WDR70: variants seen among roughly 807,000 people sequenced by gnomAD.
The protein encoded by WDR70 is WD repeat-containing protein 70.
Under a neutral mutation model 88.6 loss-of-function variants are expected in WDR70, and 53 were observed. That is an observed-to-expected ratio of 0.60 (90% CI 0.48 to 0.75). WDR70 has a LOEUF of 0.75. Ranked by LOEUF, WDR70 falls within the 30% of genes least tolerant of loss-of-function variation. The pLI is 0.00. For synonymous variants in WDR70, 280 were observed against 270.0 expected, an observed-to-expected ratio of 1.04 and a Z score of -0.36; for missense variants, 610 against 823.2, an observed-to-expected ratio of 0.74 and a Z score of 3.17.
intron 10 of WDR70, among the ~76,000 whole-genome samples, chr5:37,622,899 A>G (rs1744554582): frequency 6.6e-6 from 1 of 152,194 alleles, no homozygotes; most frequent in Non-Finnish European, 1.5e-5. Context: ...AATAATAAAA[A>G]AAGAAACATT....
chr5:37,677,340 T>C (rs2112607618), intron 10 of WDR70, among the ~76,000 whole-genome samples: 1 of 152,324 alleles, frequency 6.6e-6, no homozygotes, highest in East Asian at 1.9e-4. Flanking sequence ...GTGTCAATTT[T>C]GGATCTTTCC....
intron 3 of WDR70, among the ~76,000 whole-genome samples, chr5:37,387,879 A>G (rs1289503380): frequency 6.6e-6 from 1 of 152,132 alleles, no homozygotes; most frequent in African/African-American, 2.4e-5. Context: ...GTCTTTCCCC[A>G]GGTATTGATA....
chr5:37,540,174 C>CTCGG (rs1741775382), intron 9 of WDR70, among the ~76,000 whole-genome samples: 1 of 152,094 alleles, frequency 6.6e-6, no homozygotes, highest in Non-Finnish European at 1.5e-5. Flanking sequence ...AATCTACAGC[C>CTCGG]TCGGGATAAA....
At chr5:37,483,031 C>T (rs544615907) in intron 8 of WDR70, among the ~76,000 whole-genome samples, 1 of 149,864 alleles carries the variant, frequency 6.7e-6, no homozygotes, top group East Asian at 2.0e-4. Flanking sequence ...CACTGAACTC[C>T]AGCTTGGGCA....
chr5:37,521,496 C>T (rs955591962), intron 9 of WDR70, among the ~76,000 whole-genome samples: 7 of 152,224 alleles, frequency 4.6e-5, no homozygotes, highest in South Asian at 4.1e-4. Flanking sequence ...CACTCGCCAC[C>T]GTTTCCCCCA....
chr5:37,464,096 C>A (rs1457045738), intron 7 of WDR70, among the ~76,000 whole-genome samples: 1 of 152,164 alleles, frequency 6.6e-6, no homozygotes, highest in Non-Finnish European at 1.5e-5. Flanking sequence ...ACTTTGTCTT[C>A]TTAAACTTTT....
intron 5 of WDR70, among the ~76,000 whole-genome samples, chr5:37,436,637 A>G (rs1192052354): frequency 1.3e-5 from 2 of 152,158 alleles, no homozygotes; most frequent in Admixed American, 1.3e-4. Flanking sequence ...GAATAAAATG[A>G]TAAATGCCAA....
intron 9 of WDR70, among the ~76,000 whole-genome samples, chr5:37,529,508 T>C (rs1741415057): frequency 6.6e-6 from 1 of 152,206 alleles, no homozygotes; most frequent in South Asian, 2.1e-4. Flanking sequence ...AGTAGTGTTT[T>C]GTAATTTTCC....
chr5:37,573,088 T>C (rs571815931), intron 9 of WDR70, among the ~76,000 whole-genome samples: 4 of 152,350 alleles, frequency 2.6e-5, no homozygotes, highest in South Asian at 4.1e-4. Context: ...TTCTCTGTTA[T>C]ACTTTTTGAA....
chr5:37,456,934 G>T (rs965318603), intron 7 of WDR70, among the ~76,000 whole-genome samples: 1 of 152,114 alleles, frequency 6.6e-6, no homozygotes, highest in African/African-American at 2.4e-5. Flanking sequence ...TAAACATAAA[G>T]ATATTCAGCT....
intron 10 of WDR70, among the ~76,000 whole-genome samples, chr5:37,664,690 C>A (rs550792078): frequency 2.0e-4 from 31 of 152,192 alleles, no homozygotes; most frequent in Non-Finnish European, 4.0e-4. Context: ...GTTTGCCTCC[C>A]TTTCTAGACA....
chr5:37,751,622 A>G (rs2973085), intron 17 of WDR70, among the ~76,000 whole-genome samples: 120,520 of 152,266 alleles, frequency 0.79, 52,749 homozygotes, highest in East Asian at 1. Context: ...ACGTGGATAT[A>G]ATGATTCTAA....
chr5:37,419,158 A>G (rs986688255), intron 5 of WDR70, among the ~76,000 whole-genome samples: 2 of 151,960 alleles, frequency 1.3e-5, no homozygotes, highest in African/African-American at 4.8e-5. Flanking sequence ...CTTCCTGTAT[A>G]AGCCCCCACC....
intron 9 of WDR70, among the ~76,000 whole-genome samples, chr5:37,532,297 A>T (rs201866548): frequency 6.6e-6 from 1 of 152,150 alleles, no homozygotes; most frequent in Non-Finnish European, 1.5e-5. Flanking sequence ...GTATTTGGAT[A>T]TCTAGATCTC....
At chr5:37,635,966 G>A (rs1561931807) in intron 10 of WDR70, among the ~76,000 whole-genome samples, 1 of 152,168 alleles carries the variant, frequency 6.6e-6, no homozygotes, top group Non-Finnish European at 1.5e-5. Flanking sequence ...TGCCATGCAG[G>A]AAGGTTGTAT....
At chr5:37,564,024 C>G (rs1165741844) in intron 9 of WDR70, among the ~76,000 whole-genome samples, 2 of 149,142 alleles carry the variant, frequency 1.3e-5, no homozygotes, top group Non-Finnish European at 3.0e-5. Context: ...CGGGCAGAGA[C>G]GCTCCTCACT....
chr5:37,481,874 G>A lies in WDR70; in HGVS notation c.840+1887G>A, dbSNP rs552700070. 3.5e-4 allele frequency among the ~76,000 whole-genome samples: 54 copies of A among 152,152 alleles called. 1 individual carries two copies. The highest frequency in any genetic ancestry group is 3.1e-3 in the Admixed American group (48 of 15,282). On this transcript the variant is annotated intron_variant, in intron 8 of 17. Transcript: ENST00000265107. Reference sequence around the variant, plus strand: ...TGTCTTCTGGCAGATACCTTAAATCGTCTCTGTCAAGTTCAAAGTTCCACA... The same window carrying A: ...TGTCTTCTGGCAGATACCTTAAATCATCTCTGTCAAGTTCAAAGTTCCACA...
At chr5:37,521,390 A>G (rs147048105) in intron 9 of WDR70, among the ~76,000 whole-genome samples, 31 of 152,312 alleles carry the variant, frequency 2.0e-4, no homozygotes, top group African/African-American at 7.2e-4. Flanking sequence ...ATTTGATTAC[A>G]TGAATAAGTT....
intron 13 of WDR70, among the ~76,000 whole-genome samples, chr5:37,710,353 AC>A (rs1419186363): frequency 1.3e-5 from 2 of 151,990 alleles, no homozygotes; most frequent in African/African-American, 4.8e-5. Context: ...CTCTATAGTC[AC>A]ACACACACCC....
Sources: allele counts gnomAD v4.1 joint callset (sites outside exome capture counted in the v4.1 genomes callset), GRCh38; gene constraint gnomAD v4.1.1; transcripts MANE v1.5; gene names NCBI Gene and HGNC (gene_info 2026-07-23, HGNC 2026-07-21).